Variants in ITGB1 observed in about 807,000 individuals in gnomAD.
The protein encoded by ITGB1 is integrin beta-1.
ITGB1 carries 24 observed loss-of-function variants against 86.5 expected under a neutral mutation model. That is an observed-to-expected ratio of 0.28 (90% CI 0.20 to 0.39). The LOEUF is 0.39. ITGB1 is among the 10% of genes least tolerant of loss of function. ITGB1 has a pLI of 1.00. For missense variants in ITGB1, 556 were observed against 946.9 expected (o/e 0.59, Z 5.42); for synonymous variants, 323 against 316.8 (o/e 1.02, Z -0.21).
chr10:32,935,631 C>T (rs2094999134), intron 1 of ITGB1, 73 bp from the exon 2 acceptor site: 6 of 1,000,996 alleles, frequency 6.0e-6, no homozygotes, highest in South Asian at 2.7e-5. Flanking sequence ...GAAAGTATTA[C>T]CCCACCGTAC....
intron 10 of ITGB1, 39 bp downstream of exon 10, chr10:32,920,206 A>AACC: frequency 6.3e-7 from 1 of 1,594,232 alleles, no homozygotes; most frequent in East Asian, 2.2e-5. Flanking sequence ...GCTTATAAAT[A>AACC]ACCAATGTTT....
rs35559257 is a variant in ITGB1, at chr10:32,903,351, C to CAAAAAAA, written c.2332-1723_2332-1717dup. ...TGGGCGAAAGAGCAAGACTCCATCTCAAAAAAAAAAAAAAAAAAAAAAGAG... is the reference window on the plus strand; with the variant it reads ...TGGGCGAAAGAGCAAGACTCCATCTCAAAAAAAAAAAAAAAAAAAAAAAAAAAAAGAG... On this transcript the variant is annotated intron_variant, in intron 15 of 15. Transcript: ENST00000302278. Among the ~76,000 whole-genome samples, 327 of 56,882 alleles carry CAAAAAAA rather than the reference C, an allele frequency of 5.7e-3. 8 individuals carry two copies. The highest frequency in any genetic ancestry group is 0.013 in the Middle Eastern group (1 of 76). The allele number at this position is 56,882 out of a possible 152,430, so 37.3% of individuals were successfully genotyped here.
intron 1 of ITGB1, among the ~76,000 whole-genome samples, chr10:32,939,803 T>C (rs1463001721): frequency 6.6e-6 from 1 of 152,102 alleles, no homozygotes; most frequent in Non-Finnish European, 1.5e-5. Flanking sequence ...GAACACACAC[T>C]GAACAGGACA....
chr10:32,908,281 A>G (rs369965315), intron 15 of ITGB1, 87 bp downstream of exon 15: 1 of 1,253,270 alleles, frequency 8.0e-7, no homozygotes, highest in African/African-American at 1.5e-5. Context: ...GGACTTTAAT[A>G]ATCAGCCTGA....
chr10:32,922,127 T>C (rs1394123945), intron 9 of ITGB1, 130 bp downstream of exon 9: 3 of 546,966 alleles, frequency 5.5e-6, no homozygotes, highest in Admixed American at 3.8e-5. Flanking sequence ...TCTAGATACA[T>C]ACAGAATTTA....
At position 32,935,572 on chromosome 10, in the gene ITGB1, T is replaced by G; in HGVS notation, c.1-14A>C. Reference sequence around the variant, plus strand: ...TTGTAAATTCATCTGAAATGTAAAATGTGCCTTATATTAGTTATAAAGAAA... The same window carrying G: ...TTGTAAATTCATCTGAAATGTAAAAGGTGCCTTATATTAGTTATAAAGAAA... On this transcript the variant is annotated splice_polypyrimidine_tract_variant and intron_variant, in intron 1 of 15. Coordinates refer to ENST00000302278, the MANE Select transcript of ITGB1 (RefSeq NM_002211.4). 1 of 1,574,786 alleles carries G rather than the reference T, an allele frequency of 6.4e-7. No individual in the cohort carries two copies. The highest frequency in any genetic ancestry group is 8.7e-7 in the Non-Finnish European group (1 of 1,144,480).
chr10:32,924,642 G>A (rs1377723678), intron 6 of ITGB1, among the ~76,000 whole-genome samples: 1 of 152,122 alleles, frequency 6.6e-6, no homozygotes, highest in Non-Finnish European at 1.5e-5. Context: ...CTAGTTAGAG[G>A]CAGCCCAGAG....
intron 6 of ITGB1, among the ~76,000 whole-genome samples, chr10:32,925,594 CAG>C (rs1418544381): frequency 6.6e-6 from 1 of 152,190 alleles, no homozygotes; most frequent in Non-Finnish European, 1.5e-5. Context: ...AGCTACAGTA[CAG>C]AGAGGTTGCC....
intron 1 of ITGB1, among the ~76,000 whole-genome samples, chr10:32,942,213 G>C (rs922434281): frequency 6.6e-6 from 1 of 152,228 alleles, no homozygotes; most frequent in African/African-American, 2.4e-5. Flanking sequence ...CCTAAACAGA[G>C]ACATGGTGCC....
chr10:32,956,086 T>C (rs2095051589), intron 1 of ITGB1, among the ~76,000 whole-genome samples: 1 of 152,194 alleles, frequency 6.6e-6, no homozygotes, highest in Non-Finnish European at 1.5e-5. Flanking sequence ...GTAAAATGAC[T>C]TTCTCCCCAA....
intron 14 of ITGB1, 67 bp downstream of exon 14, chr10:32,910,156 G>A: frequency 1.7e-6 from 2 of 1,192,624 alleles, no homozygotes; most frequent in Non-Finnish European, 2.4e-6. Context: ...CTGGATGTTA[G>A]GCCTAAATAA....
chr10:32,947,832 A>C (rs185143322), intron 1 of ITGB1, among the ~76,000 whole-genome samples: 44 of 152,308 alleles, frequency 2.9e-4, no homozygotes, highest in Middle Eastern at 3.4e-3. Context: ...TGGGGACAGC[A>C]GTATTTACCT....
At chr10:32,954,198 TC>T (rs1487856001) in intron 1 of ITGB1, among the ~76,000 whole-genome samples, 1 of 151,840 alleles carries the variant, frequency 6.6e-6, no homozygotes, top group African/African-American at 2.4e-5. Flanking sequence ...TCCACCTATG[TC>T]CCATGGTCAC....
At chr10:32,919,782 T>C (rs571657526) in intron 11 of ITGB1, 103 bp downstream of exon 11, 5 of 966,272 alleles carry the variant, frequency 5.2e-6, no homozygotes, top group Non-Finnish European at 8.0e-6. Context: ...AAAAAATAAT[T>C]TGCTCCAAAT....
chr10:32,957,393 G>C (rs1332812509), intron 1 of ITGB1, among the ~76,000 whole-genome samples: 1 of 152,186 alleles, frequency 6.6e-6, no homozygotes, highest in South Asian at 2.1e-4. Flanking sequence ...CTCGCGGACC[G>C]GGTCTGAGCA....
chr10:32,910,130 C>T (rs1281576085), intron 14 of ITGB1, 93 bp downstream of exon 14: 8 of 869,598 alleles, frequency 9.2e-6, no homozygotes, highest in Admixed American at 2.7e-5. Flanking sequence ...TAAAATATTC[C>T]AGCTGGAGGC....
chr10:32,947,343 G>A (rs1465475420), intron 1 of ITGB1, among the ~76,000 whole-genome samples: 2 of 151,464 alleles, frequency 1.3e-5, no homozygotes, highest in Non-Finnish European at 2.9e-5. Flanking sequence ...GGTGTGAGAA[G>A]TATCATCTGC....
chr10:32,939,845 C>T (rs1249566357), intron 1 of ITGB1, among the ~76,000 whole-genome samples: 1 of 152,136 alleles, frequency 6.6e-6, no homozygotes, highest in Admixed American at 6.5e-5. Flanking sequence ...GTACTGTGGA[C>T]ACAAATACAC....
At chr10:32,928,643 T>C (rs1463882405) in intron 4 of ITGB1, among the ~76,000 whole-genome samples, 1 of 152,186 alleles carries the variant, frequency 6.6e-6, no homozygotes, top group Non-Finnish European at 1.5e-5. Context: ...TGAACTCTGT[T>C]CTGTGTGTAG....
Sources: gnomAD v4.1 joint callset for allele counts (sites outside exome capture counted in the v4.1 genomes callset) on GRCh38, gnomAD v4.1.1 for gene constraint, MANE v1.5 for transcripts, NCBI Gene and HGNC (gene_info 2026-07-23, HGNC 2026-07-21) for gene names.